The following ITIH1 variants were observed in gnomAD, a reference collection of about 807,000 sequenced individuals.
ITIH1 encodes inter-alpha-trypsin inhibitor heavy chain H1.
In ITIH1, 94 loss-of-function variants were observed where a neutral mutation model predicts 104.6. That is an observed-to-expected ratio of 0.90 (90% CI 0.76 to 1.07). ITIH1 has a LOEUF of 1.07. ITIH1 is among the 50% of genes least tolerant of loss of function. The pLI, the probability that ITIH1 is intolerant of heterozygous loss-of-function variation, is 0.00. For synonymous variants in ITIH1, 455 were observed against 464.4 expected, an observed-to-expected ratio of 0.98 and a Z score of 0.26; for missense variants, 1,193 against 1,181.4, an observed-to-expected ratio of 1.01 and a Z score of -0.14.
At position 52,790,806 on chromosome 3, in the gene ITIH1, C is replaced by T; in HGVS notation, c.2379C>T (p.Gly793=). The part of the protein sequence containing the change: ...RNLVVSVDDG[G]TFEVVLHRVW... ...TGGTGGTGTCTGTGGACGACGGTGG[C>T]ACCTTTGAGGTTGTTTTGCACCGAG... The change falls in exon 20 of 22, where the codon GGC becomes GGT. Residue 793 remains glycine (G), a synonymous_variant. Coordinates refer to ENST00000273283, the MANE Select transcript of ITIH1 (RefSeq NM_002215.4). 2 of 1,613,000 alleles carry T rather than the reference C, an allele frequency of 1.2e-6. No individual in the cohort carries two copies. Among genetic ancestry groups the T allele is most frequent in the Non-Finnish European group, 1.7e-6 (2 of 1,179,568 alleles).
Position 52,779,730 on chromosome 3 carries a change from C to A in ITIH1, c.573+136C>A. ...ATGGGGACTAACCCCTCAGGGTGAG[C>A]TCTGATGTGCTCTTCTTGGGCAGGG... On this transcript the variant is annotated intron_variant, in intron 5 of 21. Transcript: ENST00000273283. The surrounding 1 kb of genome is among the most constrained non-coding windows in gnomAD (Gnocchi z 4.4). 9.1e-7 allele frequency: 1 copy of A among 1,104,116 alleles called. No homozygotes were observed. Among genetic ancestry groups the A allele is most frequent in the Non-Finnish European group, 1.4e-6 (1 of 740,076 alleles). 68.4% of individuals were successfully genotyped at this position (1,104,116 alleles called of 1,614,324 possible). A position where few individuals can be genotyped will look rare whatever the true frequency, so the allele number is the denominator to read the frequency against.
Position 52,782,177 on chromosome 3 carries a change from C to A in ITIH1, c.840C>A (p.Phe280Leu), listed in dbSNP as rs764272896. 4 of 1,614,066 alleles carry A rather than the reference C, an allele frequency of 2.5e-6. No individual in the cohort carries two copies. Among genetic ancestry groups the A allele is most frequent in the African/African-American group, 2.7e-5 (2 of 74,936 alleles). The change falls in exon 8 of 22, where the codon TTC becomes TTA. Residue 280 changes from phenylalanine (F) to leucine (L), a missense_variant. Phe to Leu is a conservative substitution (Grantham distance 22). Coordinates refer to ENST00000273283, the MANE Select transcript of ITIH1 (RefSeq NM_002215.4). ...LLVANNHFAH[F>L]FAPQNLTNMN... ...TGGCCAATAACCACTTTGCCCACTT[C>A]TTTGCCCCCCAAAACCTGACAAACA...
At chr3:52,778,234 C>T (rs1206977339) in intron 2 of ITIH1, 106 bp from the exon 3 acceptor site, 2 of 1,231,460 alleles carry the variant, frequency 1.6e-6, no homozygotes, top group Non-Finnish European at 2.4e-6. Flanking sequence ...CTTCCTGCAT[C>T]TGGGCACCAT....
chr3:52,787,483 C>T, intron 15 of ITIH1, 109 bp from the exon 16 acceptor site: 1 of 1,351,442 alleles, frequency 7.4e-7, no homozygotes, highest in South Asian at 1.2e-5. Context: ...GGGCTGAGAC[C>T]CCCAGAGGGA....
rs899762348 is a variant in ITIH1 at position 52,792,043 on chromosome 3, T to C, written c.*132T>C. The C allele has an allele frequency of 6.6e-6, 7 of 1,064,902 alleles. No individual in the cohort carries two copies. The highest frequency in any genetic ancestry group is 5.3e-5 in the Admixed American group (2 of 37,810). The allele number at this position is 1,064,902 out of a possible 1,614,324, so 66.0% of individuals were successfully genotyped here. A position where few individuals can be genotyped will look rare whatever the true frequency, so the allele number is the denominator to read the frequency against. On this transcript the variant is annotated 3_prime_UTR_variant, in exon 22 of 22. Coordinates refer to ENST00000273283, the MANE Select transcript of ITIH1 (RefSeq NM_002215.4). Reference sequence around the variant, plus strand: ...GTGTCAAAGCACCTCATGCCTTCCATTAAAGAGAGGCCGTGTCCACCCTGA... The same window carrying C: ...GTGTCAAAGCACCTCATGCCTTCCACTAAAGAGAGGCCGTGTCCACCCTGA...
In ITIH1 at chr3:52,777,681, G is replaced by A; in HGVS notation, c.66G>A (p.Leu22=). ...TGTACCTGGTATCTCTCCTCATCCT[G>A]CAGGCCATGCCTGCCCTGGGCTCGG... ...LCMYLVSLLI[L]QAMPALGSAT... Residue 22 remains leucine (L), a synonymous_variant, in exon 1 of 22, where the codon CTG becomes CTA. Transcript: ENST00000273283. The A allele has an allele frequency of 1.9e-6, 3 of 1,606,050 alleles. No homozygotes were observed. The highest frequency in any genetic ancestry group is 2.6e-6 in the Non-Finnish European group (3 of 1,176,420).
At chr3:52,782,519 A>G (rs1020606655) in intron 8 of ITIH1, among the ~76,000 whole-genome samples, 1 of 152,184 alleles carries the variant, frequency 6.6e-6, no homozygotes, top group African/African-American at 2.4e-5. Flanking sequence ...CTGCAGGGTC[A>G]TGGAGTTACC....
At position 52,781,206 on chromosome 3, in the gene ITIH1, TTTTTCTTCTTC is replaced by T. The variant is rs1362147550; in HGVS notation, c.688-731_688-721del. Among the ~76,000 whole-genome samples, 171 of 74,518 alleles carry T rather than the reference TTTTTCTTCTTC, an allele frequency of 2.3e-3. 7 individuals carry two copies. The highest frequency in any genetic ancestry group is 7.4e-3 in the African/African-American group (117 of 15,878). 48.9% of individuals were successfully genotyped at this position (74,518 alleles called of 152,430 possible). On this transcript the variant is annotated intron_variant, in intron 6 of 21. Transcript: ENST00000273283. ...TTCACCTCCTCCTCTTCTTTTTTTT[TTTTTCTTCTTC>T]TTCTTCTTCTTCTTCTTCTTCTTCT...
rs1698992893 is a variant in ITIH1, at chr3:52,779,900, C to G, written c.573+306C>G. ...CAGGTAATTTTGTAAACTAGAAAGT[C>G]CCGCGCAGCCTGAGGGCCTGGAATT... is the stretch of plus-strand genomic sequence containing the variant. On this transcript the variant is annotated intron_variant, in intron 5 of 21. Transcript: ENST00000273283. The surrounding 1 kb of genome is among the most constrained non-coding windows in gnomAD (Gnocchi z 4.4). 2 of 1,382,296 alleles carry G rather than the reference C, an allele frequency of 1.4e-6. No homozygotes were observed. Among genetic ancestry groups the G allele is most frequent in the South Asian group, 1.5e-5 (1 of 64,818 alleles). The allele number at this position is 1,382,296 out of a possible 1,614,324, so 85.6% of individuals were successfully genotyped here. A position where few individuals can be genotyped will look rare whatever the true frequency, so the allele number is the denominator to read the frequency against.
At chr3:52,786,849 A>G (rs550820015) in intron 13 of ITIH1, 96 bp from the exon 14 acceptor site, 14 of 1,343,206 alleles carry the variant, frequency 1.0e-5, no homozygotes, top group Admixed American at 4.5e-5. Context: ...CGAATGAATG[A>G]ATGAATGAAT....
At chr3:52,789,274 T>C (rs573655169) in intron 18 of ITIH1, among the ~76,000 whole-genome samples, 7 of 152,252 alleles carry the variant, frequency 4.6e-5, no homozygotes, top group Non-Finnish European at 8.8e-5. Context: ...AAGGGGGCTT[T>C]GTGGCTGCCC....
intron 11 of ITIH1, 43 bp downstream of exon 11, chr3:52,784,520 G>A (rs200232515): frequency 1.2e-4 from 184 of 1,588,766 alleles, no homozygotes; most frequent in Non-Finnish European, 1.4e-4. Context: ...GCATGCCATA[G>A]GGAGCCCTGC....
intron 16 of ITIH1, 148 bp downstream of exon 16, chr3:52,787,760 G>A: frequency 9.9e-7 from 1 of 1,014,622 alleles, no homozygotes; most frequent in Non-Finnish European, 1.6e-6. Context: ...TCCCCAGCCT[G>A]AGGTCCCTGG....
At position 52,783,045 on chromosome 3, in the gene ITIH1, G is replaced by A; in HGVS notation, c.1019G>A (p.Trp340Ter). The A allele has an allele frequency of 6.2e-7, 1 of 1,614,072 alleles. No individual in the cohort carries two copies. The highest frequency in any genetic ancestry group is 8.5e-7 in the Non-Finnish European group (1 of 1,180,012). ...CTTTTTGGGACTCGAGTACAATCGTGGAAGGGCTCGCTGGTGCAAGCATCT... is the reference window on the plus strand; with the variant it reads ...CTTTTTGGGACTCGAGTACAATCGTAGAAGGGCTCGCTGGTGCAAGCATCT... Reference protein sequence around the residue: ...LVLFGTRVQSWKGSLVQASEA... With the variant: ...LVLFGTRVQS The change falls in exon 9 of 22, where the codon TGG (tryptophan) becomes TAG (stop). Residue 340 changes from tryptophan (W) to a stop codon, truncating the protein, a stop_gained. Transcript: ENST00000273283. LOFTEE classifies it high-confidence loss of function.
chr3:52,787,708 G>C (rs1559465093), intron 16 of ITIH1, 96 bp downstream of exon 16: 1 of 1,370,388 alleles, frequency 7.3e-7, no homozygotes, highest in Non-Finnish European at 1.0e-6. Context: ...TTCACTGCTT[G>C]TCACTGGGAA....
rs760602965 is a variant in ITIH1 at position 52,778,510 on chromosome 3, C to A, written c.305+4C>A. On this transcript the variant is annotated splice_donor_region_variant and intron_variant, in intron 3 of 21. Transcript: ENST00000273283. ...CATTCATCAGTGACTTTGCCGTGTG[C>A]GTGCCTGCCCAACTCCCATGCCTTC... 4 of 1,613,892 alleles carry A rather than the reference C, an allele frequency of 2.5e-6. No individual in the cohort carries two copies. Among genetic ancestry groups the A allele is most frequent in the Admixed American group, 1.7e-5 (1 of 60,002 alleles).
intron 14 of ITIH1, 39 bp from the exon 15 acceptor site, chr3:52,787,147 CCT>C: frequency 6.2e-7 from 1 of 1,614,212 alleles, no homozygotes; most frequent in Non-Finnish European, 8.5e-7. Flanking sequence ...GGGCCAAAAA[CCT>C]CTGGGGCTCT....
At position 52,778,028 on chromosome 3, in the gene ITIH1, G is replaced by A. The variant is rs1338799492; in HGVS notation, c.138+11G>A. ...CAGGCTGTGGACACCGTGAGTAAGA[G>A]TCCTGGCAAAGGGGTCTGTGACAGA... On this transcript the variant is annotated intron_variant, in intron 2 of 21. Coordinates refer to ENST00000273283, the MANE Select transcript of ITIH1 (RefSeq NM_002215.4). 2 of 1,614,200 alleles carry A rather than the reference G, an allele frequency of 1.2e-6. No homozygotes were observed. The highest frequency in any genetic ancestry group is 1.3e-5 in the African/African-American group (1 of 75,064).
rs1218441837 is a variant in ITIH1, at chr3:52,784,467, A to C, written c.1397A>C (p.Gln466Pro). 18 of 1,613,836 alleles carry C rather than the reference A, an allele frequency of 1.1e-5. No homozygotes were observed. The highest frequency in any genetic ancestry group is 2.7e-5 in the African/African-American group (2 of 74,946). ...QRIYEDHDAT[Q>P]QLQGFYSQVA... ...ATCTACGAGGACCATGATGCCACCC[A>C]GCAGCTGCAGGTCTCCCCTCACAAC... The change falls in exon 11 of 22, where the codon CAG becomes CCG. Residue 466 changes from glutamine (Q) to proline (P), a missense_variant. Coordinates refer to ENST00000273283, the MANE Select transcript of ITIH1 (RefSeq NM_002215.4).
Sources: allele counts gnomAD v4.1 joint callset (sites outside exome capture counted in the v4.1 genomes callset), GRCh38; gene constraint gnomAD v4.1.1; non-coding constraint Gnocchi (gnomAD v3.1); transcripts MANE v1.5; gene names NCBI Gene and HGNC (gene_info 2026-07-23, HGNC 2026-07-21).